The following DPF1 variants were observed in gnomAD, a reference collection of about 807,000 sequenced individuals.
The protein encoded by DPF1 is double PHD fingers 1.
In DPF1, 14 loss-of-function variants were observed where a neutral mutation model predicts 58.7. The observed-to-expected ratio is 0.24, with a 90% CI of 0.16 to 0.37. DPF1 has a LOEUF of 0.37. DPF1 is among the 10% of genes least tolerant of loss of function. The pLI is 1.00. For missense variants in DPF1, 345 were observed against 529.9 expected (o/e 0.65, Z 3.43); for synonymous variants, 216 against 216.0 (o/e 1.00, Z 0.00).
upstream of DPF1, among the ~76,000 whole-genome samples, chr19:38,224,778 T>G (rs993516457): frequency 2.6e-5 from 4 of 152,166 alleles, no homozygotes; most frequent in African/African-American, 9.7e-5. This position sits in a 1 kb window ranked among gnomAD's most constrained non-coding sequence, Gnocchi z 4.5. Flanking sequence ...CAGTGCAGGT[T>G]AGAAACAGTA....
rs201680707 is a variant in DPF1, at chr19:38,212,171, C to G, written c.1094-38G>C. 2.5e-4 allele frequency: 406 copies of G among 1,594,322 alleles called. 7 individuals carry two copies. The East Asian group carries it at 2.7e-3, about 10-fold the overall frequency. On this transcript the variant is annotated intron_variant, in intron 11 of 11. Coordinates refer to ENST00000355526, the MANE Select transcript of DPF1 (RefSeq NM_001135155.3). ...CCGAAGCTGAAGTCAGGCCCGGGTCCGGGAGGGCTGCCCCAGCCCCTTCCC... is the reference window on the plus strand; with the variant it reads ...CCGAAGCTGAAGTCAGGCCCGGGTCGGGGAGGGCTGCCCCAGCCCCTTCCC...
In DPF1 at chr19:38,224,089, T is replaced by C. The variant is rs549245686; in HGVS notation, c.29+25A>G. 2.7e-6 allele frequency: 4 copies of C among 1,495,918 alleles called. No individual in the cohort carries two copies. The South Asian group carries it at 5.5e-5, about 20-fold the overall frequency. The allele number at this position is 1,495,918 out of a possible 1,614,324, so 92.7% of individuals were successfully genotyped here. ...CGCGTAGACCCGCCCGCGCTTCCTC[T>C]CCGCCTCCCGCCGGCCCGCACCACC... On this transcript the variant is annotated intron_variant, in intron 1 of 11. Transcript: ENST00000355526. This position sits in a 1 kb window ranked among gnomAD's most constrained non-coding sequence, Gnocchi z 4.5.
At position 38,222,996 on chromosome 19, in the gene DPF1, C is replaced by T. The variant is rs1967620967; in HGVS notation, c.30-288G>A. On this transcript the variant is annotated intron_variant, in intron 1 of 11. Coordinates refer to ENST00000355526, the MANE Select transcript of DPF1 (RefSeq NM_001135155.3). The surrounding 1 kb of genome is among the most constrained non-coding windows in gnomAD (Gnocchi z 4.9). ...GTATCCCTACCTGAACACATGCAGACACACAACACAAATCACACACAGTCA... is the reference window on the plus strand; with the variant it reads ...GTATCCCTACCTGAACACATGCAGATACACAACACAAATCACACACAGTCA... 2 of 427,344 alleles carry T rather than the reference C, an allele frequency of 4.7e-6. No homozygotes were observed. Among genetic ancestry groups the T allele is most frequent in the Non-Finnish European group, 4.1e-6 (1 of 241,556 alleles). 26.5% of individuals were successfully genotyped at this position (427,344 alleles called of 1,614,324 possible).
rs1973653695 is a variant in DPF1, at chr19:38,213,893, C to T, written c.899-137G>A. 34 of 658,226 alleles carry T rather than the reference C, an allele frequency of 5.2e-5. No individual in the cohort carries two copies. The South Asian group carries it at 5.9e-4, about 12-fold the overall frequency. 40.8% of individuals were successfully genotyped at this position (658,226 alleles called of 1,614,324 possible). A position where few individuals can be genotyped will look rare whatever the true frequency, so the allele number is the denominator to read the frequency against. ...GAGCTGCCGGGATCCACAGCCTGAC[C>T]CCACACCTGCCCAGCAACCACGTGG... is the stretch of plus-strand genomic sequence containing the variant. On this transcript the variant is annotated intron_variant, in intron 9 of 11. Transcript: ENST00000355526.
At chr19:38,227,123 G>A (rs1400389451), upstream of DPF1, among the ~76,000 whole-genome samples, 2 of 144,968 alleles carry the variant, frequency 1.4e-5, no homozygotes, top group African/African-American at 5.1e-5. Flanking sequence ...CGATGGCCCA[G>A]GCTGGAGTGC....
Position 38,213,555 on chromosome 19 carries a change from C to T in DPF1, c.1011+89G>A, listed in dbSNP as rs570984724. 9 of 1,169,584 alleles carry T rather than the reference C, an allele frequency of 7.7e-6. No homozygotes were observed. In the East Asian group the frequency reaches 1.7e-4, roughly 21 times the overall value. The allele number at this position is 1,169,584 out of a possible 1,614,324, so 72.5% of individuals were successfully genotyped here. A position where few individuals can be genotyped will look rare whatever the true frequency, so the allele number is the denominator to read the frequency against. On this transcript the variant is annotated intron_variant, in intron 10 of 11. Coordinates refer to ENST00000355526, the MANE Select transcript of DPF1 (RefSeq NM_001135155.3). Reference sequence around the variant, plus strand: ...GGGGACTGGTGTTCACCAGGGAAGGCTCAGGCACAGGCTTTAGGCTTAAGG... The same window carrying T: ...GGGGACTGGTGTTCACCAGGGAAGGTTCAGGCACAGGCTTTAGGCTTAAGG...
upstream of DPF1, among the ~76,000 whole-genome samples, chr19:38,228,208 C>G (rs1182398151): frequency 6.6e-6 from 1 of 151,844 alleles, no homozygotes; most frequent in Non-Finnish European, 1.5e-5. Flanking sequence ...ACCCTGCTCA[C>G]GGCGAAGCCA....
At chr19:38,224,236 G>T, upstream of DPF1, 4 of 1,278,032 alleles carry the variant, frequency 3.1e-6, no homozygotes. The surrounding 1 kb of genome is among the most constrained non-coding windows in gnomAD (Gnocchi z 4.5). Context: ...ATTCATTCCC[G>T]GGGGGCGGGA....
upstream of DPF1, among the ~76,000 whole-genome samples, chr19:38,226,242 C>T (rs1251925035): frequency 6.7e-6 from 1 of 148,560 alleles, no homozygotes; most frequent in Non-Finnish European, 1.5e-5. Context: ...CACCCCGTCC[C>T]CCCTCCCGTC....
rs1303224115 is a variant in DPF1 at position 38,211,947 on chromosome 19, C to G, written c.*116G>C. 1 of 1,250,446 alleles carries G rather than the reference C, an allele frequency of 8.0e-7. No homozygotes were observed. Among genetic ancestry groups the G allele is most frequent in the African/African-American group, 1.5e-5 (1 of 67,374 alleles). 77.5% of individuals were successfully genotyped at this position (1,250,446 alleles called of 1,614,324 possible). ...AGGGGAGGGGGTGGCCCAGCCCCCT[C>G]TCGGCTTCCCCCTCTCCCCCTCCCC... On this transcript the variant is annotated 3_prime_UTR_variant, in exon 12 of 12. Coordinates refer to ENST00000355526, the MANE Select transcript of DPF1 (RefSeq NM_001135155.3). This position sits in a 1 kb window ranked among gnomAD's most constrained non-coding sequence, Gnocchi z 4.0.
chr19:38,214,532 A>C (rs1973710250), intron 9 of DPF1, among the ~76,000 whole-genome samples: 1 of 152,158 alleles, frequency 6.6e-6, no homozygotes, highest in African/African-American at 2.4e-5. Flanking sequence ...CCACCATGGG[A>C]AACCACATTC....
intron 1 of DPF1, among the ~76,000 whole-genome samples, chr19:38,223,601 C>T (rs953660636): frequency 6.6e-6 from 1 of 152,130 alleles, no homozygotes; most frequent in Non-Finnish European, 1.5e-5. Flanking sequence ...GAACACAAGA[C>T]AAATGACATA....
upstream of DPF1, chr19:38,224,294 C>T (rs1364260740): frequency 3.1e-5 from 39 of 1,265,226 alleles, no homozygotes; most frequent in African/African-American, 3.1e-4. The surrounding 1 kb of genome is among the most constrained non-coding windows in gnomAD (Gnocchi z 4.5). Context: ...CCCGCCCGGG[C>T]CATGCTGGGA....
rs746046850 is a variant in DPF1 at position 38,222,746 on chromosome 19, G to A, written c.30-38C>T. The stretch of plus-strand genomic sequence containing the variant: ...CGAACGGGCGGGCGGCTGTCAGCAA[G>A]GGCAGGCGCACAGGGTCGCCCAGCA... On this transcript the variant is annotated intron_variant, in intron 1 of 11. Coordinates refer to ENST00000355526, the MANE Select transcript of DPF1 (RefSeq NM_001135155.3). The surrounding 1 kb of genome is among the most constrained non-coding windows in gnomAD (Gnocchi z 4.9). The A allele has an allele frequency of 2.6e-6, 4 of 1,536,948 alleles. No homozygotes were observed. In the South Asian group the frequency reaches 3.7e-5, roughly 14 times the overall value.
Position 38,222,828 on chromosome 19 carries a change from G to A in DPF1, c.30-120C>T, listed in dbSNP as rs2146207659. 3.8e-6 allele frequency: 5 copies of A among 1,323,198 alleles called. No individual in the cohort carries two copies. Among genetic ancestry groups the A allele is most frequent in the Middle Eastern group, 2.8e-4 (1 of 3,634 alleles). The allele number at this position is 1,323,198 out of a possible 1,614,324, so 82.0% of individuals were successfully genotyped here. A position where few individuals can be genotyped will look rare whatever the true frequency, so the allele number is the denominator to read the frequency against. On this transcript the variant is annotated intron_variant, in intron 1 of 11. Transcript: ENST00000355526. The surrounding 1 kb of genome is among the most constrained non-coding windows in gnomAD (Gnocchi z 4.9). ...CGGGAGGGGTGGGCCGACCCCTCCA[G>A]CCTCACCTCTCCCCTCCTCCCACTC...
chr19:38,222,475 AG>A lies in DPF1; in HGVS notation c.191-12del, dbSNP rs752111520. 6 of 1,580,522 alleles carry A rather than the reference AG, an allele frequency of 3.8e-6. No homozygotes were observed. Among genetic ancestry groups the A allele is most frequent in the South Asian group, 2.3e-5 (2 of 86,448 alleles). ...GTCCCGGGGCCAAACCTGGAGAGAG[AG>A]GGGGGTGAGAGGGCGGCGGCGGTGG... On this transcript the variant is annotated splice_polypyrimidine_tract_variant and intron_variant, in intron 2 of 11. Transcript: ENST00000355526. The surrounding 1 kb of genome is among the most constrained non-coding windows in gnomAD (Gnocchi z 4.9).
chr19:38,227,492 T>A (rs1967880265), upstream of DPF1, among the ~76,000 whole-genome samples: 1 of 152,112 alleles, frequency 6.6e-6, no homozygotes, highest in African/African-American at 2.4e-5. Context: ...CCTACACACT[T>A]GAACTCCCAG....
chr19:38,219,387 T>G, intron 3 of DPF1: 1 of 300,990 alleles, frequency 3.3e-6, no homozygotes, highest in East Asian at 7.6e-5. Context: ...TATGGACAGA[T>G]CCAGACACTC....
At chr19:38,214,831 C>A (rs967171323) in intron 9 of DPF1, among the ~76,000 whole-genome samples, 5 of 89,396 alleles carry the variant, frequency 5.6e-5, no homozygotes, top group African/African-American at 4.7e-5. Context: ...TATGCCCAGC[C>A]TTTTTTTTTT....
Sources: gnomAD v4.1 joint callset for allele counts (sites outside exome capture counted in the v4.1 genomes callset) on GRCh38, gnomAD v4.1.1 for gene constraint, Gnocchi (gnomAD v3.1) non-coding constraint, MANE v1.5 for transcripts, NCBI Gene and HGNC (gene_info 2026-07-23, HGNC 2026-07-21) for gene names.